Variants in TMEM108 observed in about 807,000 individuals in gnomAD.
TMEM108 encodes transmembrane protein 108.
TMEM108 carries 12 observed loss-of-function variants against 35.1 expected under a neutral mutation model. The ratio of observed to expected loss-of-function variants is 0.34; its 90% CI spans 0.22 to 0.55. TMEM108 has a LOEUF of 0.55. Among genes scored for constraint, TMEM108 ranks in the 20% least tolerant of loss-of-function variants. TMEM108 has a pLI of 0.89. For synonymous variants in TMEM108, 287 were observed against 308.6 expected (o/e 0.93, Z 0.73); for missense variants, 680 against 753.3 (o/e 0.90, Z 1.14).
chr3:133,242,303 A>G (rs1044813764), intron 3 of TMEM108, among the ~76,000 whole-genome samples: 2 of 152,242 alleles, frequency 1.3e-5, no homozygotes, highest in African/African-American at 4.8e-5. Context: ...AGTTATTAAT[A>G]TATGACACAC....
Position 133,380,577 on chromosome 3 carries a change from C to T in TMEM108, c.866C>T (p.Ser289Phe), listed in dbSNP as rs146999184. 11 of 1,613,126 alleles carry T rather than the reference C, an allele frequency of 6.8e-6. No homozygotes were observed. In the African/African-American group the frequency reaches 1.5e-4, roughly 22 times the overall value. ...GLRRAAQGGG[S>F]TFTSQGGTPD... The stretch of plus-strand genomic sequence containing the variant: ...CGCAGAGCAGCCCAGGGGGGTGGTT[C>T]TACCTTCACCAGCCAAGGAGGGACA... Residue 289 changes from serine (S) to phenylalanine (F), a missense_variant, in exon 4 of 6, where the codon TCT becomes TTT. Around this residue, in one of 3 missense-constraint regions of TMEM108, gnomAD observed 526 missense variants for 532.1 expected, o/e 0.99. Transcript: ENST00000321871. This position sits in a 1 kb window ranked among gnomAD's most constrained non-coding sequence, Gnocchi z 5.3.
chr3:133,236,608 C>G (rs1025454352), intron 3 of TMEM108, among the ~76,000 whole-genome samples: 2 of 152,100 alleles, frequency 1.3e-5, no homozygotes, highest in Non-Finnish European at 2.9e-5. Context: ...CATGTGATCT[C>G]TGGAACTGAG....
chr3:133,125,423 G>A (rs1944402618), intron 2 of TMEM108, among the ~76,000 whole-genome samples: 1 of 152,160 alleles, frequency 6.6e-6, no homozygotes, highest in South Asian at 2.1e-4. Context: ...GTGGCTTTTA[G>A]CAAATGTTGA....
At chr3:133,237,188 A>T (rs1946251010) in intron 3 of TMEM108, among the ~76,000 whole-genome samples, 1 of 152,048 alleles carries the variant, frequency 6.6e-6, no homozygotes, top group Admixed American at 6.6e-5. Flanking sequence ...AACACCAGAA[A>T]TGATCTTCTT....
chr3:133,125,358 C>T (rs776504045), intron 2 of TMEM108, among the ~76,000 whole-genome samples: 1 of 152,224 alleles, frequency 6.6e-6, no homozygotes, highest in Admixed American at 6.5e-5. Context: ...AACAAGCACC[C>T]TGTGCATCTG....
chr3:133,260,470 A>G (rs1243443015), intron 3 of TMEM108, among the ~76,000 whole-genome samples: 2 of 152,142 alleles, frequency 1.3e-5, no homozygotes, highest in Admixed American at 6.6e-5. Context: ...GAATTTGCAG[A>G]TAGAAGAACA....
At chr3:133,307,629 A>G (rs2071062068) in intron 3 of TMEM108, among the ~76,000 whole-genome samples, 1 of 152,150 alleles carries the variant, frequency 6.6e-6, no homozygotes, top group Admixed American at 6.5e-5. Context: ...TAAATAGGGA[A>G]TCCTTTCCCC....
intron 3 of TMEM108, among the ~76,000 whole-genome samples, chr3:133,275,098 GA>G (rs1946820923): frequency 6.6e-6 from 1 of 152,172 alleles, no homozygotes; most frequent in Admixed American, 6.5e-5. Context: ...TGGGGGAGGG[GA>G]AAGAGCGCTA....
intron 1 of TMEM108, among the ~76,000 whole-genome samples, chr3:133,042,130 C>A (rs757484413): frequency 2.0e-5 from 3 of 152,046 alleles, no homozygotes; most frequent in Non-Finnish European, 4.4e-5. Context: ...AATAACTATT[C>A]TTTGTTCTCT....
chr3:133,368,260 C>T (rs564408122), intron 3 of TMEM108, among the ~76,000 whole-genome samples: 8 of 152,170 alleles, frequency 5.3e-5, no homozygotes, highest in African/African-American at 1.9e-4. Flanking sequence ...CTATTAGCTG[C>T]CCCCCTAACA....
At chr3:133,229,450 C>T (rs535462374) in intron 3 of TMEM108, 99 bp downstream of exon 3, 30 of 1,121,860 alleles carry the variant, frequency 2.7e-5, no homozygotes, top group South Asian at 1.9e-4. Flanking sequence ...AGGGTTGGAT[C>T]GGTGAAAGAG....
At chr3:133,242,447 A>G (rs1946326767) in intron 3 of TMEM108, among the ~76,000 whole-genome samples, 2 of 152,234 alleles carry the variant, frequency 1.3e-5, no homozygotes, top group Non-Finnish European at 2.9e-5. Context: ...AGTGAGAGCA[A>G]GAGAAGGCTA....
chr3:133,256,040 G>T (rs1946541654), intron 3 of TMEM108, among the ~76,000 whole-genome samples: 1 of 151,980 alleles, frequency 6.6e-6, no homozygotes, highest in South Asian at 2.1e-4. Context: ...ATGCATGCCT[G>T]GTTATAAAAA....
intron 2 of TMEM108, among the ~76,000 whole-genome samples, chr3:133,056,715 A>G (rs1484182778): frequency 2.0e-5 from 3 of 151,990 alleles, no homozygotes; most frequent in Non-Finnish European, 4.4e-5. Context: ...CTAAAGATAC[A>G]TTTTCCTCCT....
chr3:133,185,774 CTTTTCTTTTCT>C (rs1364009517), intron 2 of TMEM108, among the ~76,000 whole-genome samples: 42 of 90,824 alleles, frequency 4.6e-4, no homozygotes, highest in African/African-American at 1.3e-3. Flanking sequence ...CTTTTCTTTT[CTTTTCTTTTCT>C]TTTTTTTTTT....
At chr3:133,340,781 T>A (rs1212793895) in intron 3 of TMEM108, among the ~76,000 whole-genome samples, 6 of 151,732 alleles carry the variant, frequency 4.0e-5, no homozygotes, top group African/African-American at 9.7e-5. Flanking sequence ...TCAATTAATG[T>A]AAAACATAAT....
At chr3:133,199,278 C>T (rs1279586231) in intron 2 of TMEM108, among the ~76,000 whole-genome samples, 1 of 152,246 alleles carries the variant, frequency 6.6e-6, no homozygotes, top group Non-Finnish European at 1.5e-5. Flanking sequence ...AAGCCTTCTT[C>T]TCTCAACTCA....
At chr3:133,180,705 G>A (rs1319078680) in intron 2 of TMEM108, among the ~76,000 whole-genome samples, 1 of 152,042 alleles carries the variant, frequency 6.6e-6, no homozygotes, top group Admixed American at 6.6e-5. Context: ...TGTAATTTAA[G>A]TTTTAAAACA....
At chr3:133,065,593 G>A (rs1316459913) in intron 2 of TMEM108, among the ~76,000 whole-genome samples, 1 of 152,038 alleles carries the variant, frequency 6.6e-6, no homozygotes, top group Non-Finnish European at 1.5e-5. Flanking sequence ...CATCTATGCT[G>A]CATTTAATTA....
Sources: gnomAD v4.1 joint callset for allele counts (sites outside exome capture counted in the v4.1 genomes callset) on GRCh38, gnomAD v4.1.1 for gene constraint, gnomAD v4.1.1 regional missense constraint, Gnocchi (gnomAD v3.1) non-coding constraint, MANE v1.5 for transcripts, NCBI Gene and HGNC (gene_info 2026-07-23, HGNC 2026-07-21) for gene names.